The following GARIN5A variants were observed in gnomAD, a reference collection of about 807,000 sequenced individuals.
The protein encoded by GARIN5A is Golgi-associated RAB2 interactor protein 5A.
chr19:50,472,128 G>A, the GARIN5A span, among the ~76,000 whole-genome samples: 4 of 136,828 alleles, frequency 2.9e-5, no homozygotes, highest in East Asian at 2.3e-4. Context: ...GTATATATAC[G>A]TGTGTATATG....
chr19:50,468,748 C>T, the GARIN5A span, among the ~76,000 whole-genome samples: 1,073 of 152,200 alleles, frequency 7.0e-3, 12 homozygotes, highest in African/African-American at 0.024. Flanking sequence ...GGACTATACG[C>T]GCACCACCAT....
At chr19:50,474,919 A>G in the GARIN5A span, among the ~76,000 whole-genome samples, 1 of 152,192 alleles carries the variant, frequency 6.6e-6, no homozygotes, top group Non-Finnish European at 1.5e-5. Context: ...CTGGAGCCAC[A>G]GTGGGACCCT....
chr19:50,471,860 A>ATGTGTATACGTATGCATACATG, the GARIN5A span, among the ~76,000 whole-genome samples: 2 of 150,362 alleles, frequency 1.3e-5, no homozygotes, highest in Admixed American at 1.3e-4. Context: ...GCATACATAC[A>ATGTGTATACGTATGCATACATG]TGTGTATATG....
the GARIN5A span, chr19:50,476,255 G>C: frequency 6.2e-7 from 1 of 1,612,660 alleles, no homozygotes; most frequent in Non-Finnish European, 8.5e-7. Flanking sequence ...AAAGCGAGGG[G>C]GCGGGACTAC....
the GARIN5A span, among the ~76,000 whole-genome samples, chr19:50,475,061 A>G: frequency 6.6e-6 from 1 of 152,210 alleles, no homozygotes; most frequent in Non-Finnish European, 1.5e-5. Flanking sequence ...TGGCATGAGC[A>G]GGCCCTGCGG....
the GARIN5A span, among the ~76,000 whole-genome samples, chr19:50,468,031 A>C: frequency 2.0e-5 from 3 of 152,102 alleles, no homozygotes; most frequent in Non-Finnish European, 4.4e-5. Flanking sequence ...CCTCTCCCCT[A>C]AACTCCAGAC....
chr19:50,475,306 C>G, the GARIN5A span: 5 of 1,568,678 alleles, frequency 3.2e-6, no homozygotes, highest in Non-Finnish European at 2.6e-6. Flanking sequence ...GGGGTCTCGG[C>G]TGAGGTGGGG....
At chr19:50,476,505 T>A in the GARIN5A span, 3 of 1,571,810 alleles carry the variant, frequency 1.9e-6, no homozygotes, top group East Asian at 4.7e-5. Context: ...CCGCGGCTCT[T>A]GGCTCACAGC....
At chr19:50,468,340 C>G in the GARIN5A span, among the ~76,000 whole-genome samples, 2 of 124,182 alleles carry the variant, frequency 1.6e-5, no homozygotes, top group East Asian at 4.9e-4. Flanking sequence ...CCAGCCTGGG[C>G]GACAGAGAGA....
chr19:50,471,733 T>TGTGTGTATACGCATACATGCAC, the GARIN5A span, among the ~76,000 whole-genome samples: 6 of 83,658 alleles, frequency 7.2e-5, no homozygotes, highest in Admixed American at 2.4e-4. Flanking sequence ...TACATGCACG[T>TGTGTGTATACGCATACATGCAC]GTGTGTATAC....
At chr19:50,475,225 C>G in the GARIN5A span, 1 of 1,458,846 alleles carries the variant, frequency 6.9e-7, no homozygotes, top group Non-Finnish European at 9.0e-7. Context: ...CTGCCAGCTC[C>G]TGGCCCTGGG....
the GARIN5A span, among the ~76,000 whole-genome samples, chr19:50,471,962 GTA>G: frequency 6.7e-6 from 1 of 150,154 alleles, no homozygotes; most frequent in Non-Finnish European, 1.5e-5. Flanking sequence ...ATGTATGTAT[GTA>G]TATATACATG....
the GARIN5A span, among the ~76,000 whole-genome samples, chr19:50,472,324 T>C: frequency 6.7e-6 from 1 of 148,514 alleles, no homozygotes; most frequent in East Asian, 2.2e-4. Flanking sequence ...TGTGTGTATA[T>C]ATATATCTCT....
chr19:50,470,699 G>A, the GARIN5A span, among the ~76,000 whole-genome samples: 1 of 148,116 alleles, frequency 6.8e-6, no homozygotes, highest in South Asian at 2.2e-4. Context: ...CTGTTTCCCG[G>A]GCTGGAGTGT....
the GARIN5A span, chr19:50,475,995 T>C: frequency 1.9e-6 from 3 of 1,601,920 alleles, no homozygotes; most frequent in Non-Finnish European, 2.6e-6. Context: ...AGGCTGTGCC[T>C]GGCTTCCCAA....
At chr19:50,470,477 C>G in the GARIN5A span, among the ~76,000 whole-genome samples, 5,291 of 151,068 alleles carry the variant, frequency 0.035, 241 homozygotes, top group African/African-American at 0.1. Context: ...CATGCCACTA[C>G]ACTCCAGCCT....
the GARIN5A span, among the ~76,000 whole-genome samples, chr19:50,472,191 T>TATATAC: frequency 6.9e-6 from 1 of 145,888 alleles, no homozygotes; most frequent in South Asian, 2.1e-4. Flanking sequence ...TGTATACATG[T>TATATAC]ATGTGTGCAT....
At chr19:50,472,291 G>GTATATATGTATATATACATGTATGTGTT in the GARIN5A span, among the ~76,000 whole-genome samples, 1 of 146,108 alleles carries the variant, frequency 6.8e-6, no homozygotes, top group African/African-American at 2.6e-5. Flanking sequence ...ATGTATGTGT[G>GTATATATGTATATATACATGTATGTGTT]TATATATGTA....
At chr19:50,471,120 A>G in the GARIN5A span, among the ~76,000 whole-genome samples, 1 of 151,526 alleles carries the variant, frequency 6.6e-6, no homozygotes, top group East Asian at 1.9e-4. Context: ...ACACCCCACC[A>G]TCCCTGGCTA....
Sources: gnomAD v4.1 joint callset for allele counts (sites outside exome capture counted in the v4.1 genomes callset) on GRCh38, gnomAD v4.1.1 for gene constraint, MANE v1.5 for transcripts, NCBI Gene and HGNC (gene_info 2026-07-23, HGNC 2026-07-21) for gene names.